SPACA7: variants seen among roughly 807,000 people sequenced by gnomAD.
SPACA7 encodes sperm acrosome associated 7.
A neutral mutation model predicts 26.3 loss-of-function variants in SPACA7; 19 were observed. The ratio of observed to expected loss-of-function variants is 0.72; its 90% CI spans 0.50 to 1.06. The LOEUF is 1.06. Ranked by LOEUF, SPACA7 falls within the 50% of genes least tolerant of loss-of-function variation. SPACA7 has a pLI of 0.00. For missense variants in SPACA7, 211 were observed against 229.9 expected (o/e 0.92, Z 0.53); for synonymous variants, 84 against 84.5 (o/e 0.99, Z 0.04).
Position 112,432,457 on chromosome 13 carries a change from G to C in SPACA7, c.459G>C (p.Lys153Asn). 6.2e-7 allele frequency: 1 copy of C among 1,609,122 alleles called. No homozygotes were observed. Among genetic ancestry groups the C allele is most frequent in the Non-Finnish European group, 8.5e-7 (1 of 1,175,442 alleles). The stretch of plus-strand genomic sequence containing the variant: ...TTTTCCCCACAGAAAAGAATTCAAA[G>C]AACACTCAGTATGAAAATCTATCCA... ...KSVSSKEKNS[K>N]NTQYENLSIL... Residue 153 changes from lysine (K) to asparagine (N), a missense_variant, in exon 6 of 7, where the codon AAG (lysine) becomes AAC (asparagine). Physicochemically the swap from Lys to Asn is moderately conservative, Grantham distance 94 (BLOSUM62 0). Coordinates refer to ENST00000283550, the MANE Select transcript of SPACA7 (RefSeq NM_145248.5).
intron 5 of SPACA7, among the ~76,000 whole-genome samples, chr13:112,416,288 GT>G (rs750567424): frequency 0.023 from 731 of 31,782 alleles, 3 homozygotes; most frequent in African/African-American, 0.086. Flanking sequence ...TGTTGTTGTT[GT>G]TTGTTGTTGT....
chr13:112,381,744 C>T (rs572761494), intron 1 of SPACA7, among the ~76,000 whole-genome samples: 1 of 152,222 alleles, frequency 6.6e-6, no homozygotes, highest in Admixed American at 6.5e-5. Context: ...AGAGTGCTGA[C>T]TGATCAGGGA....
intron 5 of SPACA7, among the ~76,000 whole-genome samples, chr13:112,417,683 G>A (rs1566482995): frequency 6.6e-6 from 1 of 152,168 alleles, no homozygotes; most frequent in East Asian, 1.9e-4. Context: ...CCCTTTCTCT[G>A]ATCTACCCAG....
At chr13:112,383,174 AAAGAAAGAAAG>A (rs1884298005) in intron 1 of SPACA7, among the ~76,000 whole-genome samples, 1 of 125,162 alleles carries the variant, frequency 8.0e-6, no homozygotes, top group African/African-American at 3.2e-5. Flanking sequence ...AGAAAGAAAG[AAAGAAAGAAAG>A]AAAGAAAGAA....
chr13:112,391,233 C>T (rs1434237307), intron 1 of SPACA7, among the ~76,000 whole-genome samples: 1 of 152,192 alleles, frequency 6.6e-6, no homozygotes, highest in East Asian at 1.9e-4. Context: ...AAGGTCTTCC[C>T]CAGCTTGAAG....
intron 2 of SPACA7, among the ~76,000 whole-genome samples, chr13:112,395,668 C>T (rs542997407): frequency 6.6e-6 from 1 of 152,274 alleles, no homozygotes; most frequent in East Asian, 1.9e-4. Flanking sequence ...CAGGGTTTCA[C>T]CATATTGGCC....
At chr13:112,391,114 A>G (rs1166913765) in intron 1 of SPACA7, among the ~76,000 whole-genome samples, 2 of 152,254 alleles carry the variant, frequency 1.3e-5, no homozygotes, top group African/African-American at 4.8e-5. Context: ...TTAGGAAAGC[A>G]TTCAGGTCAC....
Position 112,416,445 on chromosome 13 carries a change from C to T in SPACA7, c.445+15281C>T, listed in dbSNP as rs539412517. ...GGGATTATAGGCACCTGCCACCATG[C>T]CTGGCTAATTTTTGTGTTTTTAGTA... On this transcript the variant is annotated intron_variant, in intron 5 of 6. Coordinates refer to ENST00000283550, the MANE Select transcript of SPACA7 (RefSeq NM_145248.5). 1.6e-3 allele frequency among the ~76,000 whole-genome samples: 250 copies of T among 152,190 alleles called. 1 individual carries two copies. The highest frequency in any genetic ancestry group is 4.3e-4 in the Non-Finnish European group (29 of 68,010).
At chr13:112,379,458 A>ATATTG (rs1233482004) in intron 1 of SPACA7, among the ~76,000 whole-genome samples, 21 of 152,380 alleles carry the variant, frequency 1.4e-4, no homozygotes, top group African/African-American at 5.0e-4. Context: ...GCTGCAATTG[A>ATATTG]CAAGGAAATT....
chr13:112,418,511 A>G (rs1251880153), intron 5 of SPACA7, among the ~76,000 whole-genome samples: 3 of 152,222 alleles, frequency 2.0e-5, no homozygotes, highest in African/African-American at 7.2e-5. Context: ...TGGGGACTTC[A>G]AGTTCTGTGT....
intron 2 of SPACA7, among the ~76,000 whole-genome samples, chr13:112,395,196 G>T (rs900202181): frequency 1.4e-4 from 22 of 152,360 alleles, no homozygotes; most frequent in African/African-American, 5.3e-4. Context: ...CTGCAGCTGG[G>T]TGTGCTGGGG....
chr13:112,392,931 TG>T, intron 1 of SPACA7, 89 bp from the exon 2 acceptor site: 2 of 1,115,838 alleles, frequency 1.8e-6, no homozygotes, highest in Non-Finnish European at 2.6e-6. Flanking sequence ...AGGGGGCTGG[TG>T]GGCACCCACA....
intron 5 of SPACA7, among the ~76,000 whole-genome samples, chr13:112,406,531 A>G (rs952634823): frequency 3.3e-5 from 5 of 152,206 alleles, no homozygotes; most frequent in African/African-American, 4.8e-5. Flanking sequence ...AAATAACTCT[A>G]TCTAAAAATT....
chr13:112,423,120 C>T (rs370751593), intron 5 of SPACA7, among the ~76,000 whole-genome samples: 23 of 151,952 alleles, frequency 1.5e-4, no homozygotes, highest in African/African-American at 4.1e-4. Flanking sequence ...TTTCCAAAGT[C>T]GATATACTCA....
chr13:112,390,318 G>C (rs964459621), intron 1 of SPACA7, among the ~76,000 whole-genome samples: 1 of 152,168 alleles, frequency 6.6e-6, no homozygotes, highest in Non-Finnish European at 1.5e-5. Context: ...CGGCAAAAAG[G>C]AGAGGAGCAG....
At chr13:112,407,372 C>T (rs1382164972) in intron 5 of SPACA7, among the ~76,000 whole-genome samples, 2 of 152,180 alleles carry the variant, frequency 1.3e-5, no homozygotes, top group East Asian at 3.9e-4. Context: ...AAGATCAGAG[C>T]AGAACTGAAA....
At chr13:112,421,225 C>CAAA (rs59236283) in intron 5 of SPACA7, among the ~76,000 whole-genome samples, 39 of 86,822 alleles carry the variant, frequency 4.5e-4, no homozygotes, top group African/African-American at 1.0e-3. Context: ...AAGAAACATG[C>CAAA]AAAAAAAAAA....
intron 1 of SPACA7, chr13:112,382,508 G>A (rs937049544): frequency 1.5e-5 from 23 of 1,550,214 alleles, no homozygotes; most frequent in Non-Finnish European, 1.9e-5. Flanking sequence ...GAACCCCAAG[G>A]TGAGAACAGT....
intron 5 of SPACA7, among the ~76,000 whole-genome samples, chr13:112,409,552 G>A (rs1329686188): frequency 1.6e-4 from 24 of 151,432 alleles, no homozygotes; most frequent in African/African-American, 5.8e-4. Flanking sequence ...AAAAGTGGGT[G>A]AAGGATATGA....
Sources: gnomAD v4.1 joint callset for allele counts (sites outside exome capture counted in the v4.1 genomes callset) on GRCh38, gnomAD v4.1.1 for gene constraint, MANE v1.5 for transcripts, NCBI Gene and HGNC (gene_info 2026-07-23, HGNC 2026-07-21) for gene names.